TPRG1: variants seen among roughly 807,000 people sequenced by gnomAD.
The protein encoded by TPRG1 is tumor protein p63 regulated 1, also known as tumor protein p63-regulated gene 1 protein.
Under a neutral mutation model 29.3 loss-of-function variants are expected in TPRG1, and 29 were observed. The observed-to-expected ratio is 0.99, with a 90% CI of 0.74 to 1.35. The LOEUF (loss-of-function observed/expected upper bound fraction) is 1.35, where lower values mean the gene tolerates loss of function less well. TPRG1 is among the 40% of genes most tolerant of loss of function. The pLI is 0.00. For missense variants in TPRG1, 327 were observed against 335.0 expected (o/e 0.98, Z 0.19); for synonymous variants, 130 against 116.8 (o/e 1.11, Z -0.73).
chr3:189,230,982 G>T (rs1476927269), intron 3 of TPRG1, among the ~76,000 whole-genome samples: 2 of 152,016 alleles, frequency 1.3e-5, no homozygotes, highest in African/African-American at 4.8e-5. Context: ...TCTGGCTAGG[G>T]TATCTAAATG....
chr3:189,320,856 A>G lies in TPRG1; in HGVS notation c.*36A>G, dbSNP rs1274646141. 1 of 1,469,034 alleles carries G rather than the reference A, an allele frequency of 6.8e-7. No homozygotes were observed. The highest frequency in any genetic ancestry group is 1.5e-5 in the South Asian group (1 of 68,458). 91.0% of individuals were successfully genotyped at this position (1,469,034 alleles called of 1,614,324 possible). On this transcript the variant is annotated 3_prime_UTR_variant, in exon 6 of 6. Coordinates refer to ENST00000345063, the MANE Select transcript of TPRG1 (RefSeq NM_198485.4). Reference sequence around the variant, plus strand: ...GGTACCATAAGCATATCATCCACAGATATGTCACTTTGAAAATTCCAGTTT... The same window carrying G: ...GGTACCATAAGCATATCATCCACAGGTATGTCACTTTGAAAATTCCAGTTT...
At chr3:189,013,924 A>G (rs1712782849) in intron 3 of TPRG1, among the ~76,000 whole-genome samples, 1 of 152,278 alleles carries the variant, frequency 6.6e-6, no homozygotes, top group African/African-American at 2.4e-5. Context: ...TCTCTTGAAG[A>G]TAGCATTGCA....
At chr3:189,093,702 T>G (rs1416997261) in intron 4 of TPRG1, among the ~76,000 whole-genome samples, 1 of 152,212 alleles carries the variant, frequency 6.6e-6, no homozygotes, top group Non-Finnish European at 1.5e-5. Flanking sequence ...ATTGGTATTT[T>G]GGGCTCATGC....
At chr3:189,304,728 C>T (rs953593693) in intron 4 of TPRG1, among the ~76,000 whole-genome samples, 1 of 152,156 alleles carries the variant, frequency 6.6e-6, no homozygotes, top group Admixed American at 6.5e-5. Flanking sequence ...CAACTCTGTC[C>T]CTGCTTTTGT....
chr3:189,090,679 A>G (rs141868065), intron 4 of TPRG1, among the ~76,000 whole-genome samples: 26 of 152,108 alleles, frequency 1.7e-4, no homozygotes, highest in African/African-American at 6.0e-4. Context: ...TGCCTTTTAT[A>G]TTAACGTTAA....
chr3:189,013,412 A>T (rs6770888), intron 3 of TPRG1, among the ~76,000 whole-genome samples: 6,207 of 152,120 alleles, frequency 0.041, 412 homozygotes, highest in African/African-American at 0.14. Flanking sequence ...GTTCTTTTGC[A>T]TTTGCTGAGG....
At chr3:189,312,108 T>C (rs1269775653) in intron 5 of TPRG1, among the ~76,000 whole-genome samples, 2 of 77,182 alleles carry the variant, frequency 2.6e-5, no homozygotes, top group African/African-American at 1.2e-4. Context: ...TTTCTTTGTT[T>C]CTTTCTTTGT....
chr3:189,202,624 G>GT (rs965154953), intron 1 of TPRG1, among the ~76,000 whole-genome samples: 10 of 152,106 alleles, frequency 6.6e-5, no homozygotes, highest in Admixed American at 2.0e-4. Context: ...CCTAAAAGCT[G>GT]TTTTTTTCCT....
At position 189,014,456 on chromosome 3, in the gene TPRG1, G is replaced by A. The variant is rs1055335812; in HGVS notation, c.-659-9294G>A. ...CCCTTAACATTTTTTCTTTTATTTC[G>A]ACCTTGGTGAATGTGATGATGATGT... On this transcript the variant is annotated intron_variant, in intron 3 of 10. Transcript: ENST00000433971. Among the ~76,000 whole-genome samples the A allele has an allele frequency of 4.0e-5, 6 of 151,800 alleles. No individual in the cohort carries two copies. In the East Asian group the frequency reaches 7.7e-4, roughly 20 times the overall value.
At chr3:189,272,338 C>T (rs1438695259) in intron 4 of TPRG1, among the ~76,000 whole-genome samples, 3 of 152,144 alleles carry the variant, frequency 2.0e-5, no homozygotes, top group African/African-American at 7.2e-5. Context: ...AATTTTGTGC[C>T]AACTCTGCCA....
chr3:189,090,908 TG>T (rs1462095180), intron 4 of TPRG1, among the ~76,000 whole-genome samples: 1 of 152,158 alleles, frequency 6.6e-6, no homozygotes, highest in Non-Finnish European at 1.5e-5. Context: ...CATGCATTTA[TG>T]TTTTTAACTT....
intron 1 of TPRG1, among the ~76,000 whole-genome samples, chr3:189,109,405 C>T (rs1720230715): frequency 6.6e-6 from 1 of 152,166 alleles, no homozygotes; most frequent in African/African-American, 2.4e-5. Context: ...TGTCCTGGGA[C>T]AAGGGATGCA....
intron 4 of TPRG1, among the ~76,000 whole-genome samples, chr3:189,260,766 GT>G (rs1712865357): frequency 6.6e-6 from 1 of 152,202 alleles, no homozygotes; most frequent in Non-Finnish European, 1.5e-5. Context: ...AGAGATGCTG[GT>G]GAAAGCAGCA....
At chr3:189,062,153 G>A (rs60619622) in intron 4 of TPRG1, among the ~76,000 whole-genome samples, 2,667 of 152,256 alleles carry the variant, frequency 0.018, 77 homozygotes, top group African/African-American at 0.06. Context: ...GGATGGAGCT[G>A]GAGGCTATTA....
intron 4 of TPRG1, among the ~76,000 whole-genome samples, chr3:189,262,207 T>C (rs1713191837): frequency 9.8e-6 from 1 of 102,352 alleles, no homozygotes; most frequent in Admixed American, 1.1e-4. Context: ...AGACTTGGTA[T>C]AAGTATAAGT....
chr3:189,153,187 A>T (rs888457800), intron 5 of TPRG1, among the ~76,000 whole-genome samples: 1 of 152,154 alleles, frequency 6.6e-6, no homozygotes, highest in African/African-American at 2.4e-5. Flanking sequence ...CTATGTATTG[A>T]GCACTGTTTC....
At chr3:189,253,751 C>T (rs1742636697) in intron 4 of TPRG1, among the ~76,000 whole-genome samples, 1 of 152,216 alleles carries the variant, frequency 6.6e-6, no homozygotes, top group Non-Finnish European at 1.5e-5. Context: ...TCCACATCCT[C>T]TCCAGCATCT....
intron 4 of TPRG1, among the ~76,000 whole-genome samples, chr3:189,265,541 T>C (rs1371235225): frequency 1.3e-5 from 2 of 152,176 alleles, no homozygotes; most frequent in East Asian, 3.8e-4. Flanking sequence ...ATAGGATCCC[T>C]TAGTTATTGG....
chr3:189,052,013 A>T (rs1715352389), intron 4 of TPRG1, among the ~76,000 whole-genome samples: 1 of 152,106 alleles, frequency 6.6e-6, no homozygotes, highest in Non-Finnish European at 1.5e-5. Context: ...CATTGGAAAA[A>T]CTCTTCTAGA....
Sources: gnomAD v4.1 joint callset for allele counts (sites outside exome capture counted in the v4.1 genomes callset) on GRCh38, gnomAD v4.1.1 for gene constraint, MANE v1.5 for transcripts, NCBI Gene and HGNC (gene_info 2026-07-23, HGNC 2026-07-21) for gene names.